Variants in GFI1B observed in about 807,000 individuals in gnomAD.
The protein encoded by GFI1B is zinc finger protein Gfi-1b.
GFI1B carries 20 observed loss-of-function variants against 35.3 expected under a neutral mutation model. The observed-to-expected ratio is 0.57, with a 90% CI of 0.40 to 0.82. GFI1B has a LOEUF of 0.82. Ranked by LOEUF, GFI1B falls within the 40% of genes least tolerant of loss-of-function variation. The pLI, the probability that GFI1B is intolerant of heterozygous loss-of-function variation, is 0.00. For synonymous variants in GFI1B, 178 were observed against 177.6 expected, an observed-to-expected ratio of 1.00 and a Z score of -0.02; for missense variants, 430 against 446.3, an observed-to-expected ratio of 0.96 and a Z score of 0.33.
chr9:132,963,547 A>G lies in GFI1B; in HGVS notation c.-700-9178A>G, dbSNP rs535246404. Among the ~76,000 whole-genome samples the G allele has an allele frequency of 6.6e-5, 10 of 152,096 alleles. No individual in the cohort carries two copies. The East Asian group carries it at 1.9e-3, about 29-fold the overall frequency. On this transcript the variant is annotated intron_variant, in intron 1 of 10. Coordinates refer to the GFI1B transcript ENST00000339463. ...TTGAGATGGAGTCTTGCTGTCATCC[A>G]GGCTGGAGTGCAGTGGCGTGATCTC...
Position 132,989,621 on chromosome 9 carries a change from G to A in GFI1B, c.649-121G>A. The A allele has an allele frequency of 1.4e-6, 1 of 712,546 alleles. No homozygotes were observed. The highest frequency in any genetic ancestry group is 2.4e-6 in the Non-Finnish European group (1 of 415,848). The allele number at this position is 712,546 out of a possible 1,614,324, so 44.1% of individuals were successfully genotyped here. On this transcript the variant is annotated intron_variant, in intron 5 of 6. Transcript: ENST00000372122. This position sits in a 1 kb window ranked among gnomAD's most constrained non-coding sequence, Gnocchi z 6.2. ...GTTTCACCTCAGAGGCAGAGATGAG[G>A]GGTCCCCCGGTCCTGCTCCTCCAGG...
intron 1 of GFI1B, among the ~76,000 whole-genome samples, chr9:132,958,976 G>A (rs879395512): frequency 6.6e-6 from 1 of 152,186 alleles, no homozygotes; most frequent in Non-Finnish European, 1.5e-5. Context: ...GAGAGGGCTG[G>A]CCTATTGGGA....
intron 1 of GFI1B, among the ~76,000 whole-genome samples, chr9:132,983,785 C>T (rs554185488): frequency 6.6e-6 from 1 of 152,344 alleles, no homozygotes; most frequent in African/African-American, 2.4e-5. Flanking sequence ...AAGCCCATGC[C>T]GGGCACTGCC....
intron 1 of GFI1B, chr9:132,949,691 C>G (rs1310662723): frequency 6.6e-6 from 1 of 152,622 alleles, no homozygotes; most frequent in Admixed American, 6.5e-5. Flanking sequence ...GCAGGAAGAG[C>G]TACTAGGAGC....
At chr9:132,968,955 C>T (rs1294372164) in intron 1 of GFI1B, among the ~76,000 whole-genome samples, 1 of 152,182 alleles carries the variant, frequency 6.6e-6, no homozygotes, top group Non-Finnish European at 1.5e-5. Context: ...ACTCTGTCCC[C>T]ATTAAATACA....
chr9:132,984,537 C>T (rs1049072195), intron 1 of GFI1B, among the ~76,000 whole-genome samples: 1 of 152,208 alleles, frequency 6.6e-6, no homozygotes, highest in Admixed American at 6.5e-5. Flanking sequence ...GAGGCTGCTG[C>T]AGCCCTTGGC....
chr9:132,966,046 T>C (rs1036174381), intron 1 of GFI1B, among the ~76,000 whole-genome samples: 6 of 152,064 alleles, frequency 3.9e-5, no homozygotes, highest in African/African-American at 1.4e-4. Flanking sequence ...TGCTGAAGTT[T>C]AAGGGGGAAA....
intron 1 of GFI1B, among the ~76,000 whole-genome samples, chr9:132,954,199 T>C (rs1037027841): frequency 2.6e-5 from 4 of 152,054 alleles, no homozygotes; most frequent in African/African-American, 9.7e-5. Context: ...CAAGTGATCC[T>C]CCTGCCTCAG....
rs185907430 is a variant in GFI1B, at chr9:132,990,460, T to A, written c.815-412T>A. 7.9e-4 allele frequency among the ~76,000 whole-genome samples: 121 copies of A among 152,260 alleles called. No individual in the cohort carries two copies. In the South Asian group the frequency reaches 0.015, roughly 19 times the overall value. ...TCATTTGTTCACTCATTCACTCATT[T>A]GCTCATTTATTCACACATTCGCTCA... On this transcript the variant is annotated intron_variant, in intron 6 of 6. Transcript: ENST00000372122.
intron 1 of GFI1B, among the ~76,000 whole-genome samples, chr9:132,962,277 A>C (rs551417841): frequency 9.2e-5 from 14 of 151,948 alleles, no homozygotes; most frequent in Admixed American, 7.2e-4. Context: ...AGCTGGGGCC[A>C]CAGATGCGAG....
chr9:132,962,137 C>CTT (rs56259129), intron 1 of GFI1B, among the ~76,000 whole-genome samples: 312 of 129,564 alleles, frequency 2.4e-3, no homozygotes, highest in Middle Eastern at 4.3e-3. Flanking sequence ...TTTTTTTTTT[C>CTT]TTTTTTTTTT....
chr9:132,971,470 G>A (rs916121071), intron 1 of GFI1B, among the ~76,000 whole-genome samples: 2 of 152,216 alleles, frequency 1.3e-5, no homozygotes, highest in African/African-American at 4.8e-5. Context: ...CAGGAGGGTT[G>A]AAGGGACTTC....
upstream of GFI1B, among the ~76,000 whole-genome samples, chr9:132,975,668 T>C (rs115332214): frequency 4.7e-3 from 721 of 152,330 alleles, 6 homozygotes; most frequent in African/African-American, 0.016. Context: ...TTGTGGGCAC[T>C]CGATACACAT....
At chr9:132,979,328 C>T (rs1181874736) in intron 1 of GFI1B, among the ~76,000 whole-genome samples, 1 of 147,634 alleles carries the variant, frequency 6.8e-6, no homozygotes, top group Non-Finnish European at 1.5e-5. Flanking sequence ...AAACCTCTGC[C>T]TCCCGAATTC....
chr9:132,981,717 T>C (rs1002825233), intron 1 of GFI1B, among the ~76,000 whole-genome samples: 5 of 151,806 alleles, frequency 3.3e-5, no homozygotes, highest in East Asian at 1.9e-4. Context: ...GGGCTCATTT[T>C]CCCCCGACTC....
chr9:132,987,088 C>G (rs1201187223), intron 2 of GFI1B, among the ~76,000 whole-genome samples, 194 bp from the exon 3 acceptor site: 1 of 152,226 alleles, frequency 6.6e-6, no homozygotes, highest in African/African-American at 2.4e-5. Context: ...CCAAAGTCTT[C>G]CCCGGGGTCT....
At position 132,962,916 on chromosome 9, in the gene GFI1B, C is replaced by CAAA. The variant is rs60268965; in HGVS notation, c.-700-9794_-700-9792dup. Among the ~76,000 whole-genome samples, 485 of 124,256 alleles carry CAAA rather than the reference C, an allele frequency of 3.9e-3. 8 individuals carry two copies. The highest frequency in any genetic ancestry group is 0.013 in the African/African-American group (412 of 32,534). 81.5% of individuals were successfully genotyped at this position (124,256 alleles called of 152,430 possible). On this transcript the variant is annotated intron_variant, in intron 1 of 10. Coordinates refer to the GFI1B transcript ENST00000339463. ...TGAAAACCCATCTCTACTAAAAATA[C>CAAA]AAAAAAAAAAAAAAAAATAGCCAGG...
chr9:132,967,051 G>A (rs529502694), intron 1 of GFI1B, among the ~76,000 whole-genome samples: 2 of 152,186 alleles, frequency 1.3e-5, no homozygotes, highest in Non-Finnish European at 2.9e-5. Context: ...AGGTGATTCG[G>A]TCATGCCCTC....
At chr9:132,970,968 G>A (rs998617744) in intron 1 of GFI1B, among the ~76,000 whole-genome samples, 5 of 152,126 alleles carry the variant, frequency 3.3e-5, no homozygotes, top group African/African-American at 9.7e-5. Context: ...TAACCCTGCC[G>A]CAACTAAGAC....
Sources: allele counts gnomAD v4.1 joint callset (sites outside exome capture counted in the v4.1 genomes callset), GRCh38; gene constraint gnomAD v4.1.1; non-coding constraint Gnocchi (gnomAD v3.1); transcripts MANE v1.5; gene names NCBI Gene and HGNC (gene_info 2026-07-23, HGNC 2026-07-21).